The following COL22A1 variants were observed in gnomAD, a reference collection of about 807,000 sequenced individuals.
COL22A1 encodes the protein collagen alpha-1(XXII) chain.
COL22A1 carries 221 observed loss-of-function variants against 248.9 expected under a neutral mutation model. The observed-to-expected ratio is 0.89, with a 90% CI of 0.80 to 0.99. The LOEUF is 0.99. Ranked by LOEUF, COL22A1 falls within the 50% of genes least tolerant of loss-of-function variation. The pLI, the probability that COL22A1 is intolerant of heterozygous loss-of-function variation, is 0.00. For synonymous variants in COL22A1, 891 were observed against 793.4 expected, an observed-to-expected ratio of 1.12 and a Z score of -2.07; for missense variants, 2,240 against 2,179.0, an observed-to-expected ratio of 1.03 and a Z score of -0.56.
chr8:138,769,187 C>G (rs1366403690), intron 16 of COL22A1, among the ~76,000 whole-genome samples: 8 of 152,122 alleles, frequency 5.3e-5, no homozygotes, highest in Non-Finnish European at 8.8e-5. Context: ...TCTTCTACCC[C>G]CTGCAGGGCC....
intron 3 of COL22A1, among the ~76,000 whole-genome samples, chr8:138,855,700 C>T (rs961966440): frequency 1.3e-5 from 2 of 152,182 alleles, no homozygotes; most frequent in Admixed American, 6.5e-5. Context: ...CGATTGTGCC[C>T]GGAAAGGATT....
intron 54 of COL22A1, 123 bp from the exon 55 acceptor site, chr8:138,616,177 C>T (rs1564100736): frequency 2.0e-5 from 16 of 796,806 alleles, no homozygotes; most frequent in Admixed American, 5.8e-5. Context: ...AACTTCCATA[C>T]GCAGAGCCCC....
At chr8:138,755,752 CT>C (rs756322532) in intron 19 of COL22A1, 32 bp downstream of exon 19, 2 of 1,611,634 alleles carry the variant, frequency 1.2e-6, no homozygotes, top group Non-Finnish European at 1.7e-6. Context: ...CCACCAGCAC[CT>C]GCATCCATGA....
At chr8:138,811,505 C>A (rs879640373) in intron 9 of COL22A1, among the ~76,000 whole-genome samples, 2 of 152,130 alleles carry the variant, frequency 1.3e-5, no homozygotes, top group Non-Finnish European at 2.9e-5. Flanking sequence ...TATTCTCAAA[C>A]AGCATCTCAT....
rs1410424063 is a variant in COL22A1, at chr8:138,763,344, G to C, written c.1804-878C>G. ...AGTGGCTGCAGCAAGTTGAGGTCAT[G>C]CCACTGCTCTCCAGCCCGGGCGACA... is the stretch of plus-strand genomic sequence containing the variant. On this transcript the variant is annotated intron_variant, in intron 16 of 64. Transcript: ENST00000303045. Among the ~76,000 whole-genome samples the C allele has an allele frequency of 2.6e-5, 4 of 151,830 alleles. No individual in the cohort carries two copies. In the East Asian group the frequency reaches 7.8e-4, roughly 30 times the overall value.
intron 27 of COL22A1, among the ~76,000 whole-genome samples, chr8:138,718,918 T>C (rs1829652966): frequency 6.6e-6 from 1 of 152,166 alleles, no homozygotes; most frequent in South Asian, 2.1e-4. Flanking sequence ...AGCCCAGTAA[T>C]TGTCGTAATC....
At chr8:138,633,747 T>C (rs1385880281) in intron 49 of COL22A1, among the ~76,000 whole-genome samples, 32 of 152,178 alleles carry the variant, frequency 2.1e-4, no homozygotes, top group Admixed American at 2.1e-3. Flanking sequence ...TGCTACAAAA[T>C]CCAATAATAT....
Position 138,665,030 on chromosome 8 carries a change from C to T in COL22A1, c.3151-1290G>A, listed in dbSNP as rs139987277. 2.1e-3 allele frequency among the ~76,000 whole-genome samples: 321 copies of T among 152,284 alleles called. 2 individuals are homozygous for T. The highest frequency in any genetic ancestry group is 4.4e-3 in the South Asian group (21 of 4,818). The stretch of plus-strand genomic sequence containing the variant: ...AGAGAGCAAAATGATTTCACACCAA[C>T]GCCAAGGTTCCTGCAGTATAGTGTC... On this transcript the variant is annotated intron_variant, in intron 41 of 64. Coordinates refer to ENST00000303045, the MANE Select transcript of COL22A1 (RefSeq NM_152888.3).
intron 3 of COL22A1, among the ~76,000 whole-genome samples, chr8:138,858,696 C>T (rs895477893): frequency 2.0e-5 from 3 of 152,174 alleles, no homozygotes; most frequent in South Asian, 2.1e-4. Flanking sequence ...GCTCAGTGCT[C>T]GACCCCGGGT....
intron 58 of COL22A1, among the ~76,000 whole-genome samples, chr8:138,605,996 T>A (rs902237882): frequency 2.0e-5 from 3 of 152,196 alleles, no homozygotes; most frequent in African/African-American, 7.2e-5. Flanking sequence ...ACCACATGCA[T>A]CATTACAATG....
intron 38 of COL22A1, among the ~76,000 whole-genome samples, chr8:138,684,935 G>A (rs1826225449): frequency 6.6e-6 from 1 of 152,176 alleles, no homozygotes; most frequent in Non-Finnish European, 1.5e-5. Context: ...CTGTGGGGAT[G>A]TGTTTGCCTG....
chr8:138,681,745 A>G (rs1191982844), intron 39 of COL22A1, among the ~76,000 whole-genome samples: 1 of 152,146 alleles, frequency 6.6e-6, no homozygotes, highest in Non-Finnish European at 1.5e-5. Flanking sequence ...GCCCCTCTCC[A>G]TATATACCCA....
At chr8:138,871,192 G>A (rs1459674573) in intron 3 of COL22A1, among the ~76,000 whole-genome samples, 2 of 152,176 alleles carry the variant, frequency 1.3e-5, no homozygotes, top group Admixed American at 1.3e-4. Context: ...CCTGGGACAT[G>A]TGTGGCTGTG....
Position 138,626,187 on chromosome 8 carries a change from T to C in COL22A1, c.3717+3A>G. The C allele has an allele frequency of 6.3e-7, 1 of 1,592,854 alleles. No homozygotes were observed. The highest frequency in any genetic ancestry group is 1.2e-5 in the South Asian group (1 of 86,464). ...TTTGTTTGTTTTTATAAAAGCCACT[T>C]ACTGGGATTCCGGGTAATCCAGATG... is the stretch of plus-strand genomic sequence containing the variant. On this transcript the variant is annotated splice_donor_region_variant and intron_variant, in intron 51 of 64. Transcript: ENST00000303045.
At chr8:138,642,899 T>G (rs1821839541) in intron 47 of COL22A1, among the ~76,000 whole-genome samples, 1 of 151,782 alleles carries the variant, frequency 6.6e-6, no homozygotes, top group African/African-American at 2.4e-5. Flanking sequence ...TGTAGTGGCA[T>G]GCACCTGTAG....
chr8:138,775,817 C>A, intron 16 of COL22A1, 149 bp downstream of exon 16: 2 of 801,562 alleles, frequency 2.5e-6, no homozygotes, highest in Non-Finnish European at 2.2e-6. Context: ...CACACATACA[C>A]ATGCAAATAT....
intron 10 of COL22A1, among the ~76,000 whole-genome samples, chr8:138,804,410 C>G (rs1817280080): frequency 6.6e-6 from 1 of 152,236 alleles, no homozygotes; most frequent in Non-Finnish European, 1.5e-5. Context: ...CATTTCTGCT[C>G]TCCTTGTGGG....
intron 7 of COL22A1, among the ~76,000 whole-genome samples, chr8:138,816,485 C>T (rs774263792): frequency 6.6e-6 from 1 of 152,188 alleles, no homozygotes; most frequent in Non-Finnish European, 1.5e-5. Flanking sequence ...AGCTTCCCTC[C>T]GTATCCCACC....
rs1816580189 is a variant in COL22A1, at chr8:138,796,821, T to A, written c.1594A>T (p.Lys532Ter). 1 of 1,598,188 alleles carries A rather than the reference T, an allele frequency of 6.3e-7. No individual in the cohort carries two copies. Among genetic ancestry groups the A allele is most frequent in the Non-Finnish European group, 8.6e-7 (1 of 1,165,756 alleles). The change falls in exon 12 of 65, where the codon AAG becomes TAG. Residue 532 changes from lysine to a stop codon, truncating the protein, a stop_gained and splice_region_variant. Coordinates refer to ENST00000303045, the MANE Select transcript of COL22A1 (RefSeq NM_152888.3). LOFTEE classifies it high-confidence loss of function. ...TGTGATAAAAGGAAGATGCTTACCT[T>A]TTCACCCTTTTCCCCTTGGCCAAAA... ...GPFGQGEKGE[K>*]GSLGLPGPPG...
Sources: gnomAD v4.1 joint callset for allele counts (sites outside exome capture counted in the v4.1 genomes callset) on GRCh38, gnomAD v4.1.1 for gene constraint, MANE v1.5 for transcripts, NCBI Gene and HGNC (gene_info 2026-07-23, HGNC 2026-07-21) for gene names.